FGF12: variants seen among roughly 807,000 people sequenced by gnomAD.
FGF12 encodes the protein fibroblast growth factor 12, also known as fibroblast growth factor 12B.
Under a neutral mutation model 23.6 loss-of-function variants are expected in FGF12, and 14 were observed. That is an observed-to-expected ratio of 0.59 (90% confidence interval 0.39 to 0.93). The LOEUF (loss-of-function observed/expected upper bound fraction) is 0.93, where lower values mean the gene tolerates loss of function less well. FGF12 is among the 40% of genes least tolerant of loss of function. FGF12 has a pLI of 0.00. For missense variants in FGF12, 175 were observed against 217.8 expected, an observed-to-expected ratio of 0.80 and a Z score of 1.24; for synonymous variants, 62 against 77.3, an observed-to-expected ratio of 0.80 and a Z score of 1.04.
chr3:192,289,408 C>T (rs1414450253), intron 4 of FGF12, among the ~76,000 whole-genome samples: 1 of 152,006 alleles, frequency 6.6e-6, no homozygotes, highest in Non-Finnish European at 1.5e-5. Context: ...AACAGGATAG[C>T]GTCTCAGCTT....
At chr3:192,380,629 G>T (rs1355581361) in intron 2 of FGF12, among the ~76,000 whole-genome samples, 3 of 152,106 alleles carry the variant, frequency 2.0e-5, no homozygotes, top group African/African-American at 4.8e-5. Flanking sequence ...CTGATAGCAA[G>T]ATAGTAAGGC....
intron 5 of FGF12, among the ~76,000 whole-genome samples, chr3:192,159,615 A>C (rs1714749637): frequency 6.6e-6 from 1 of 152,210 alleles, no homozygotes; most frequent in African/African-American, 2.4e-5. Flanking sequence ...TCCACACAAT[A>C]GAATAATTTT....
At chr3:192,253,775 T>A (rs1007580576) in intron 4 of FGF12, among the ~76,000 whole-genome samples, 20 of 152,200 alleles carry the variant, frequency 1.3e-4, no homozygotes, top group Middle Eastern at 3.4e-3. Context: ...ATTTAGGCTA[T>A]GAAAATTATT....
intron 4 of FGF12, among the ~76,000 whole-genome samples, chr3:192,235,279 T>C (rs988896289): frequency 2.0e-5 from 3 of 152,304 alleles, no homozygotes; most frequent in East Asian, 1.9e-4. Flanking sequence ...GGAGGTTGTA[T>C]GTTTTCAGGA....
intron 4 of FGF12, among the ~76,000 whole-genome samples, chr3:192,294,475 T>C (rs1714925262): frequency 6.6e-6 from 1 of 152,192 alleles, no homozygotes; most frequent in Non-Finnish European, 1.5e-5. Flanking sequence ...TTCCCTGTCA[T>C]CGCTGTCACT....
chr3:192,334,424 G>A (rs1717284591), intron 4 of FGF12, among the ~76,000 whole-genome samples: 2 of 151,936 alleles, frequency 1.3e-5, no homozygotes, highest in African/African-American at 4.8e-5. Context: ...TATTTACTGA[G>A]ATCATAAAAA....
rs75841232 is a variant in FGF12 at position 192,571,087 on chromosome 3, A to G, written c.13+156094T>C. On this transcript the variant is annotated intron_variant, in intron 2 of 5. Transcript: ENST00000445105. ...CATTTCTACATTGGTGTTGGGGGGA[A>G]AAAACAAACCTTATTAGCCACACAT... 3.1e-3 allele frequency among the ~76,000 whole-genome samples: 477 copies of G among 151,862 alleles called. 2 individuals carry two copies. Among genetic ancestry groups the G allele is most frequent in the African/African-American group, 0.011 (442 of 41,454 alleles).
intron 2 of FGF12, among the ~76,000 whole-genome samples, chr3:192,601,908 C>T (rs926394005): frequency 1.3e-5 from 2 of 149,418 alleles, no homozygotes; most frequent in African/African-American, 2.5e-5. Flanking sequence ...AGTATAGACA[C>T]AACTGTCCAT....
chr3:192,453,180 ATTCT>A (rs1049375668), intron 2 of FGF12, among the ~76,000 whole-genome samples: 1 of 151,856 alleles, frequency 6.6e-6, no homozygotes, highest in African/African-American at 2.4e-5. Context: ...CTTTTCATTT[ATTCT>A]TTCTTTTAGC....
At chr3:192,581,336 C>A (rs951957616) in intron 2 of FGF12, among the ~76,000 whole-genome samples, 1 of 151,600 alleles carries the variant, frequency 6.6e-6, no homozygotes, top group Non-Finnish European at 1.5e-5. Context: ...GAGGCTGAGG[C>A]AGGAGGATGT....
intron 1 of FGF12, 54 bp from the exon 2 acceptor site, chr3:192,727,377 CTT>C (rs779773269): frequency 3.2e-5 from 48 of 1,501,694 alleles, no homozygotes; most frequent in Non-Finnish European, 4.0e-5. Context: ...CCAAAGGACA[CTT>C]AGGAGCAGCA....
At chr3:192,333,301 C>T (rs1367085581) in intron 4 of FGF12, among the ~76,000 whole-genome samples, 3 of 152,040 alleles carry the variant, frequency 2.0e-5, no homozygotes, top group Non-Finnish European at 4.4e-5. Context: ...GGAATTATAA[C>T]CTGAATTATG....
chr3:192,585,730 T>C (rs1713347759), intron 2 of FGF12, among the ~76,000 whole-genome samples: 1 of 151,866 alleles, frequency 6.6e-6, no homozygotes, highest in Admixed American at 6.6e-5. Context: ...ACAACAACAA[T>C]AGGTGGAAGA....
intron 2 of FGF12, among the ~76,000 whole-genome samples, chr3:192,384,471 G>C (rs3108302): frequency 0.074 from 11,318 of 152,128 alleles, 634 homozygotes; most frequent in Non-Finnish European, 0.11. Context: ...GGTCTTAGCT[G>C]GAAGAAATAA....
chr3:192,530,405 G>T (rs1725058219), intron 2 of FGF12, among the ~76,000 whole-genome samples: 1 of 152,102 alleles, frequency 6.6e-6, no homozygotes, highest in South Asian at 2.1e-4. Context: ...AAAAATTGTG[G>T]TAATGATATG....
intron 2 of FGF12, among the ~76,000 whole-genome samples, chr3:192,518,711 A>C (rs1011626894): frequency 5.3e-5 from 8 of 152,202 alleles, no homozygotes; most frequent in African/African-American, 1.9e-4. Context: ...TTTTTGTTCC[A>C]TGTTATGCAT....
chr3:192,351,234 C>T (rs781031242), intron 3 of FGF12, among the ~76,000 whole-genome samples: 46 of 151,978 alleles, frequency 3.0e-4, no homozygotes, highest in African/African-American at 9.4e-4. Flanking sequence ...CTTTTCTAAA[C>T]GCTTCATTTT....
chr3:192,382,534 TA>T (rs71635385), intron 2 of FGF12, among the ~76,000 whole-genome samples: 2,030 of 147,152 alleles, frequency 0.014, 25 homozygotes, highest in Non-Finnish European at 0.02. Context: ...CCTATAGCAA[TA>T]AAAAAAAAAT....
At chr3:192,270,827 G>A (rs1713390091) in intron 4 of FGF12, among the ~76,000 whole-genome samples, 1 of 149,584 alleles carries the variant, frequency 6.7e-6, no homozygotes, top group Non-Finnish European at 1.5e-5. Flanking sequence ...AAAGAAGGAA[G>A]GAAGGAAGGA....
Sources: gnomAD v4.1 joint callset for allele counts (sites outside exome capture counted in the v4.1 genomes callset) on GRCh38, gnomAD v4.1.1 for gene constraint, MANE v1.5 for transcripts, NCBI Gene and HGNC (gene_info 2026-07-23, HGNC 2026-07-21) for gene names.